The following TMTC2 variants were observed in gnomAD, a reference collection of about 807,000 sequenced individuals.
The protein encoded by TMTC2 is transmembrane O-mannosyltransferase targeting cadherins 2.
Under a neutral mutation model 82.4 loss-of-function variants are expected in TMTC2, and 43 were observed. The observed-to-expected ratio is 0.52, with a 90% CI of 0.41 to 0.67. The LOEUF (loss-of-function observed/expected upper bound fraction) is 0.67. Ranked by LOEUF, TMTC2 falls within the 30% of genes least tolerant of loss-of-function variation. TMTC2 has a pLI of 0.00. For missense variants in TMTC2, 919 were observed against 1,012.4 expected, an observed-to-expected ratio of 0.91 and a Z score of 1.25; for synonymous variants, 408 against 381.9, an observed-to-expected ratio of 1.07 and a Z score of -0.80.
chr12:83,045,726 C>CACACACACACACACACACACCA (rs747864661), intron 9 of TMTC2, among the ~76,000 whole-genome samples: 5,330 of 77,308 alleles, frequency 0.069, 164 homozygotes, highest in Non-Finnish European at 0.099. Flanking sequence ...CACACACACA[C>CACACACACACACACACACACCA]GCACACACAC....
intron 11 of TMTC2, among the ~76,000 whole-genome samples, chr12:83,073,887 T>A (rs1317424929): frequency 6.6e-6 from 1 of 152,186 alleles, no homozygotes; most frequent in Non-Finnish European, 1.5e-5. Context: ...AATTCTTATA[T>A]CAGTTTTTGG....
intron 1 of TMTC2, among the ~76,000 whole-genome samples, chr12:82,824,173 C>A (rs1028086858): frequency 1.3e-5 from 2 of 152,174 alleles, no homozygotes; most frequent in Non-Finnish European, 2.9e-5. Flanking sequence ...GGATTATAGG[C>A]CTGGGCCACC....
chr12:82,925,750 A>C (rs1173999638), intron 3 of TMTC2, among the ~76,000 whole-genome samples: 1 of 152,166 alleles, frequency 6.6e-6, no homozygotes, highest in Non-Finnish European at 1.5e-5. Context: ...TGTTTCACTG[A>C]TCAGCCCTTC....
chr12:82,981,775 T>C (rs1878929835), intron 7 of TMTC2, among the ~76,000 whole-genome samples: 1 of 151,894 alleles, frequency 6.6e-6, no homozygotes, highest in Non-Finnish European at 1.5e-5. Context: ...TATTGAACTT[T>C]CTTTTCCTGT....
chr12:82,690,275 C>A, intron 1 of TMTC2: 1 of 562,120 alleles, frequency 1.8e-6, no homozygotes, highest in Non-Finnish European at 2.3e-6. Context: ...TAAAACATTG[C>A]TTAAACTAGA....
intron 6 of TMTC2, 52 bp from the exon 7 acceptor site, chr12:82,966,867 G>A (rs561648837): frequency 3.0e-5 from 39 of 1,299,094 alleles, no homozygotes; most frequent in Admixed American, 5.9e-5. Flanking sequence ...TTTCAGTGAC[G>A]ATCCCTGCAC....
At chr12:82,805,369 G>T (rs907533064) in intron 1 of TMTC2, among the ~76,000 whole-genome samples, 2 of 151,960 alleles carry the variant, frequency 1.3e-5, no homozygotes, top group African/African-American at 4.8e-5. Flanking sequence ...GTTAGCACAG[G>T]TCTTTGAATA....
At chr12:82,698,857 G>A (rs1872940906) in intron 1 of TMTC2, among the ~76,000 whole-genome samples, 1 of 152,172 alleles carries the variant, frequency 6.6e-6, no homozygotes, top group South Asian at 2.1e-4. Flanking sequence ...ATTAAGTGAT[G>A]AATGAGCGGG....
intron 3 of TMTC2, among the ~76,000 whole-genome samples, chr12:82,902,926 A>G (rs1343980994): frequency 6.6e-6 from 1 of 152,204 alleles, no homozygotes; most frequent in African/African-American, 2.4e-5. Context: ...AACTCTAGCT[A>G]GCTAGATAGA....
chr12:82,784,484 C>T (rs961923563), intron 1 of TMTC2, among the ~76,000 whole-genome samples: 5 of 152,206 alleles, frequency 3.3e-5, no homozygotes, highest in African/African-American at 1.2e-4. Context: ...TCGGTGTTTC[C>T]TCCTACCTTG....
At chr12:82,945,449 G>A (rs1399256294) in intron 4 of TMTC2, among the ~76,000 whole-genome samples, 1 of 152,152 alleles carries the variant, frequency 6.6e-6, no homozygotes, top group Non-Finnish European at 1.5e-5. Flanking sequence ...CATAAAAGAG[G>A]TTTATAAAGA....
chr12:82,802,748 A>C (rs184672715), intron 1 of TMTC2, among the ~76,000 whole-genome samples: 3 of 152,252 alleles, frequency 2.0e-5, no homozygotes, highest in African/African-American at 7.2e-5. Context: ...AGACAGGAAA[A>C]GAACTGGTTG....
At position 82,897,865 on chromosome 12, in the gene TMTC2, G is replaced by A. The variant is rs147375574; in HGVS notation, c.1483+1219G>A. 4.5e-4 allele frequency among the ~76,000 whole-genome samples: 69 copies of A among 152,154 alleles called. No homozygotes were observed. In the East Asian group the frequency reaches 9.5e-3, roughly 21 times the overall value. ...AATTATGTTTGCTGATATAGCATTT[G>A]AACTGGCATTTTTCTACTCTTTCCA... On this transcript the variant is annotated intron_variant, in intron 3 of 11. Transcript: ENST00000321196.
At chr12:82,734,063 G>A (rs1355243450) in intron 1 of TMTC2, among the ~76,000 whole-genome samples, 3 of 152,168 alleles carry the variant, frequency 2.0e-5, no homozygotes, top group Non-Finnish European at 4.4e-5. Flanking sequence ...TTTATAATGT[G>A]CCTGGCCTTG....
intron 1 of TMTC2, among the ~76,000 whole-genome samples, chr12:82,772,201 G>C (rs954069831): frequency 5.3e-5 from 8 of 152,190 alleles, no homozygotes; most frequent in African/African-American, 1.7e-4. Context: ...GTTCCAGACA[G>C]TTATCTTGGC....
chr12:82,719,085 ATTTTTTTTTT>A (rs71068944), intron 1 of TMTC2, among the ~76,000 whole-genome samples: 3 of 41,408 alleles, frequency 7.2e-5, no homozygotes, highest in African/African-American at 2.3e-4. Context: ...ATATATATAT[ATTTTTTTTTT>A]TTTTTTTTTT....
At chr12:83,104,447 A>G (rs933321285) in intron 11 of TMTC2, among the ~76,000 whole-genome samples, 1 of 152,148 alleles carries the variant, frequency 6.6e-6, no homozygotes, top group Non-Finnish European at 1.5e-5. Flanking sequence ...GCAGGCTGCC[A>G]AGCTTTCCCT....
chr12:82,802,242 G>A lies in TMTC2; in HGVS notation c.84-54768G>A, dbSNP rs577246823. 5.9e-3 allele frequency among the ~76,000 whole-genome samples: 895 copies of A among 152,296 alleles called. 9 individuals carry two copies. Among genetic ancestry groups the A allele is most frequent in the Non-Finnish European group, 8.6e-3 (585 of 68,006 alleles). On this transcript the variant is annotated intron_variant, in intron 1 of 11. Coordinates refer to ENST00000321196, the MANE Select transcript of TMTC2 (RefSeq NM_152588.3). ...AGGTCCTAGGCTCCTCACTGCTGGG[G>A]GCGGCAGGGCCCGCCGGCAGCTCTG...
chr12:82,738,290 G>A (rs1875221126), intron 1 of TMTC2, among the ~76,000 whole-genome samples: 1 of 152,134 alleles, frequency 6.6e-6, no homozygotes, highest in African/African-American at 2.4e-5. Flanking sequence ...ATGATGAATT[G>A]GGGATGTCAT....
Sources: gnomAD v4.1 joint callset for allele counts (sites outside exome capture counted in the v4.1 genomes callset) on GRCh38, gnomAD v4.1.1 for gene constraint, MANE v1.5 for transcripts, NCBI Gene and HGNC (gene_info 2026-07-23, HGNC 2026-07-21) for gene names.